Variants in PCDHGB1 observed in about 807,000 individuals in gnomAD.
The protein encoded by PCDHGB1 is protocadherin gamma-B1.
Under a neutral mutation model 56.6 loss-of-function variants are expected in PCDHGB1, and 34 were observed. That is an observed-to-expected ratio of 0.60 (90% CI 0.46 to 0.80). PCDHGB1 has a LOEUF of 0.80. Ranked by LOEUF, PCDHGB1 falls within the 30% of genes least tolerant of loss-of-function variation. The pLI, the probability that PCDHGB1 is intolerant of heterozygous loss-of-function variation, is 0.00. For synonymous variants in PCDHGB1, 561 were observed against 505.9 expected, an observed-to-expected ratio of 1.11 and a Z score of -1.46; for missense variants, 1,278 against 1,204.6, an observed-to-expected ratio of 1.06 and a Z score of -0.90.
chr5:141,483,870 G>C (rs548525439), intron 1 of PCDHGB1, among the ~76,000 whole-genome samples: 9 of 152,142 alleles, frequency 5.9e-5, no homozygotes, highest in Non-Finnish European at 1.3e-4. Context: ...TCCAGATCAG[G>C]ATGGATTTTT....
rs771162471 is a variant in PCDHGB1, at chr5:141,376,386, T to G, written c.2409+23717T>G. 81 of 1,614,116 alleles carry G rather than the reference T, an allele frequency of 5.0e-5. No individual in the cohort carries two copies. The highest frequency in any genetic ancestry group is 4.2e-4 in the South Asian group (38 of 91,094). On this transcript the variant is annotated intron_variant, in intron 1 of 3. Transcript: ENST00000523390. ...ACTGCAGACTCGCGTAAGAGTCATC[T>G]GATTTTCCCCCAGCCCAACTATGCC...
At chr5:141,460,483 C>G (rs2098990314) in intron 1 of PCDHGB1, among the ~76,000 whole-genome samples, 1 of 152,046 alleles carries the variant, frequency 6.6e-6, no homozygotes, top group African/African-American at 2.4e-5. Flanking sequence ...ATCCAATTGT[C>G]TCTTTGGAAA....
chr5:141,411,859 C>CA (rs553337516), intron 1 of PCDHGB1: 8,585 of 145,752 alleles, frequency 0.059, 330 homozygotes, highest in Non-Finnish European at 0.088. Context: ...GACCCTGTCT[C>CA]AAAAAAAAAA....
rs1016658212 is a variant in PCDHGB1 at position 141,360,733 on chromosome 5, C to T, written c.2409+8064C>T. 14 of 1,613,854 alleles carry T rather than the reference C, an allele frequency of 8.7e-6. No individual in the cohort carries two copies. In the East Asian group the frequency reaches 8.9e-5, roughly 10 times the overall value. ...TCCTGAGTTGATTCTAAAACACTCTCTGGACAGAGAAGAGCACAGTTTACA... is the reference window on the plus strand; with the variant it reads ...TCCTGAGTTGATTCTAAAACACTCTTTGGACAGAGAAGAGCACAGTTTACA... On this transcript the variant is annotated intron_variant, in intron 1 of 3. Transcript: ENST00000523390.
intron 1 of PCDHGB1, chr5:141,392,278 G>C (rs2092498621): frequency 6.6e-6 from 1 of 152,148 alleles, no homozygotes; most frequent in Non-Finnish European, 1.5e-5. Flanking sequence ...ATAAAGCTTA[G>C]AGCACAATGG....
intron 1 of PCDHGB1, among the ~76,000 whole-genome samples, chr5:141,368,946 T>A (rs1330631003): frequency 6.6e-6 from 1 of 152,202 alleles, no homozygotes. Flanking sequence ...CTGGTTACTG[T>A]GAGTAGTTTA....
intron 1 of PCDHGB1, among the ~76,000 whole-genome samples, chr5:141,448,861 C>T (rs1017826063): frequency 2.0e-5 from 3 of 152,118 alleles, no homozygotes; most frequent in African/African-American, 7.2e-5. Flanking sequence ...AGGAGAATGG[C>T]GTGAACCTGG....
Position 141,511,843 on chromosome 5 carries a change from GT to G in PCDHGB1, c.*674del, listed in dbSNP as rs1413398495. On this transcript the variant is annotated 3_prime_UTR_variant, in exon 4 of 4. Coordinates refer to ENST00000523390, the MANE Select transcript of PCDHGB1 (RefSeq NM_018922.3). ...CCAACGCCCTGGGGACCAGTCTTCT[GT>G]TTTGTTTTTCATTGTTTGACGTTTC... 1 of 156,550 alleles carries G rather than the reference GT, an allele frequency of 6.4e-6. No individual in the cohort carries two copies. The highest frequency in any genetic ancestry group is 2.4e-5 in the African/African-American group (1 of 41,452). The allele number at this position is 156,550 out of a possible 1,614,324, so 9.7% of individuals were successfully genotyped here. A position where few individuals can be genotyped will look rare whatever the true frequency, so the allele number is the denominator to read the frequency against.
chr5:141,355,345 G>T, intron 1 of PCDHGB1: 1 of 1,614,020 alleles, frequency 6.2e-7, no homozygotes, highest in Non-Finnish European at 8.5e-7. Context: ...GGGCAACATC[G>T]CCAAGGACCT....
intron 1 of PCDHGB1, among the ~76,000 whole-genome samples, chr5:141,402,245 A>G (rs1196349685): frequency 6.6e-6 from 1 of 152,078 alleles, no homozygotes; most frequent in East Asian, 1.9e-4. Flanking sequence ...TTTATCATCA[A>G]AATAAACCCC....
At chr5:141,382,671 T>C in intron 1 of PCDHGB1, 1 of 434,850 alleles carries the variant, frequency 2.3e-6, no homozygotes, top group Non-Finnish European at 4.0e-6. Context: ...GCGCCGCTGT[T>C]CACCAACCAG....
intron 1 of PCDHGB1, chr5:141,478,675 G>A (rs1264846161): frequency 6.4e-7 from 1 of 1,551,574 alleles, no homozygotes; most frequent in South Asian, 1.2e-5. Context: ...ACTTTCAACT[G>A]GCCCTTCCTA....
At chr5:141,363,492 A>G (rs1043734455) in intron 1 of PCDHGB1, among the ~76,000 whole-genome samples, 5 of 152,244 alleles carry the variant, frequency 3.3e-5, no homozygotes, top group African/African-American at 1.2e-4. Flanking sequence ...GGATGATGAA[A>G]TAAAACCCCA....
At chr5:141,380,374 C>CA (rs1392745416) in intron 1 of PCDHGB1, among the ~76,000 whole-genome samples, 1 of 151,910 alleles carries the variant, frequency 6.6e-6, no homozygotes, top group Non-Finnish European at 1.5e-5. Flanking sequence ...AAAAAAGTCC[C>CA]AAAAAAGAAA....
chr5:141,462,983 T>C (rs530985795), intron 1 of PCDHGB1, among the ~76,000 whole-genome samples: 278 of 152,304 alleles, frequency 1.8e-3, no homozygotes, highest in Non-Finnish European at 3.4e-3. Flanking sequence ...AACTTTTGCC[T>C]TGGGCTAATT....
At chr5:141,405,470 A>G in intron 1 of PCDHGB1, 1 of 1,108,980 alleles carries the variant, frequency 9.0e-7, no homozygotes, top group Non-Finnish European at 1.3e-6. Flanking sequence ...CCCAGGCTGG[A>G]ATGCAGTGGT....
At chr5:141,394,399 A>C in intron 1 of PCDHGB1, 3 of 1,614,206 alleles carry the variant, frequency 1.9e-6, no homozygotes, top group Non-Finnish European at 2.5e-6. Context: ...CGAGACCTGC[A>C]GCTACTGGTA....
At position 141,410,277 on chromosome 5, in the gene PCDHGB1, T is replaced by C. The variant is rs1461250700; in HGVS notation, c.2409+57608T>C. 2.5e-6 allele frequency: 4 copies of C among 1,614,014 alleles called. No homozygotes were observed. In the Admixed American group the frequency reaches 6.7e-5, roughly 27 times the overall value. ...CCCCAGGCTGAACTGCAGTTTTACC[T>C]GGTGGTGGCCTTGGCCTTAATCTCA... On this transcript the variant is annotated intron_variant, in intron 1 of 3. Transcript: ENST00000523390.
intron 1 of PCDHGB1, among the ~76,000 whole-genome samples, chr5:141,447,652 C>T (rs901761789): frequency 6.6e-6 from 1 of 151,972 alleles, no homozygotes; most frequent in African/African-American, 2.4e-5. Context: ...TAGAATTTTC[C>T]CCCCCAGGAA....
Sources: gnomAD v4.1 joint callset for allele counts (sites outside exome capture counted in the v4.1 genomes callset) on GRCh38, gnomAD v4.1.1 for gene constraint, MANE v1.5 for transcripts, NCBI Gene and HGNC (gene_info 2026-07-23, HGNC 2026-07-21) for gene names.